The following PCP2 variants were observed in gnomAD, a reference collection of about 807,000 sequenced individuals.
The protein encoded by PCP2 is Purkinje cell protein 2, also known as Purkinje cell protein 2 homolog.
PCP2 carries 21 observed loss-of-function variants against 18.3 expected under a neutral mutation model. The observed-to-expected ratio is 1.14, with a 90% CI of 0.81 to 1.65. PCP2 has a LOEUF of 1.65. Ranked by LOEUF, PCP2 falls within the 40% of genes most tolerant of loss-of-function variation. PCP2 has a pLI of 0.00. For missense variants in PCP2, 202 were observed against 201.8 expected, an observed-to-expected ratio of 1.00 and a Z score of 0.00; for synonymous variants, 85 against 77.6, an observed-to-expected ratio of 1.10 and a Z score of -0.50.
chr19:7,632,769 A>C lies in PCP2; in HGVS notation c.113T>G (p.Met38Arg). Residue 38 changes from methionine (M) to arginine (R), a missense_variant, in exon 2 of 4, where the codon ATG becomes AGG. Coordinates refer to ENST00000311069, the MANE Select transcript of PCP2 (RefSeq NM_174895.3). The surrounding 1 kb of genome is among the most constrained non-coding windows in gnomAD (Gnocchi z 5.2). Reference protein sequence around the residue: ...NLLSHVQGDRMEGQRCSLQAG... With the variant: ...NLLSHVQGDRREGQRCSLQAG... ...TTGCAGTGAACAGCGCTGTCCCTCC[A>C]TCCGGTCGCCCTGCACGTGGCTCAG... The C allele has an allele frequency of 6.4e-7, 1 of 1,567,804 alleles. No individual in the cohort carries two copies. The highest frequency in any genetic ancestry group is 1.2e-5 in the South Asian group (1 of 85,958).
At position 7,632,736 on chromosome 19, in the gene PCP2, G is replaced by C; in HGVS notation, c.146C>G (p.Pro49Arg). 6.4e-7 allele frequency: 1 copy of C among 1,561,490 alleles called. No individual in the cohort carries two copies. Among genetic ancestry groups the C allele is most frequent in the Non-Finnish European group, 8.6e-7 (1 of 1,158,736 alleles). The change falls in exon 2 of 4, where the codon CCG (proline) becomes CGG (arginine). Residue 49 changes from proline to arginine, a missense_variant. Physicochemically the swap from Pro to Arg is moderately radical, Grantham distance 103. Coordinates refer to ENST00000311069, the MANE Select transcript of PCP2 (RefSeq NM_174895.3). This position sits in a 1 kb window ranked among gnomAD's most constrained non-coding sequence, Gnocchi z 5.2. ...EGQRCSLQAG[P>R]GQTTKSQSDP... is the part of the protein sequence containing the mutation. ...CTCACGGCTCTTGGTGGTCTGGCCC[G>C]GCCCGGCTTGCAGTGAACAGCGCTG...
chr19:7,631,998 G>T, intron 3 of PCP2, 190 bp from the exon 4 acceptor site: 1 of 525,632 alleles, frequency 1.9e-6, no homozygotes, highest in Non-Finnish European at 3.1e-6. Context: ...TGGGGCCCTC[G>T]CTGGGATCTT....
chr19:7,632,734 C>A lies in PCP2; in HGVS notation c.148G>T (p.Gly50Cys), dbSNP rs868539711. The A allele has an allele frequency of 2.6e-6, 4 of 1,561,400 alleles. No homozygotes were observed. In the South Asian group the frequency reaches 3.5e-5, roughly 14 times the overall value. Residue 50 changes from glycine (G) to cysteine (C), a missense_variant, in exon 2 of 4, where the codon GGC (glycine) becomes TGC (cysteine). Coordinates refer to ENST00000311069, the MANE Select transcript of PCP2 (RefSeq NM_174895.3). The surrounding 1 kb of genome is among the most constrained non-coding windows in gnomAD (Gnocchi z 5.2). ...TGCTCACGGCTCTTGGTGGTCTGGC[C>A]CGGCCCGGCTTGCAGTGAACAGCGC... is the stretch of plus-strand genomic sequence containing the variant. ...GQRCSLQAGP[G>C]QTTKSQSDPT...
Position 7,632,654 on chromosome 19 carries a change from A to G in PCP2, c.166+62T>C. On this transcript the variant is annotated intron_variant, in intron 2 of 3. Coordinates refer to ENST00000311069, the MANE Select transcript of PCP2 (RefSeq NM_174895.3). This position sits in a 1 kb window ranked among gnomAD's most constrained non-coding sequence, Gnocchi z 5.2. ...GTGCCCCCAGGCCCTCCAGATGACC[A>G]CTTGCCCTGCACTCCCACCCCGTTC... 6.4e-7 allele frequency: 1 copy of G among 1,557,604 alleles called. No individual in the cohort carries two copies. Among genetic ancestry groups the G allele is most frequent in the Non-Finnish European group, 8.7e-7 (1 of 1,155,354 alleles).
Position 7,632,999 on chromosome 19 carries a change from TGA to T in PCP2, c.52-171_52-170del, listed in dbSNP as rs34406374. ...CTGCAGAGCTGTTCTGAATGAGACA[TGA>T]GTCTCCTTCCCAATCCCGGCCCCCG... On this transcript the variant is annotated intron_variant, in intron 1 of 3. Transcript: ENST00000311069. This position sits in a 1 kb window ranked among gnomAD's most constrained non-coding sequence, Gnocchi z 5.2. 0.31 allele frequency: 451,176 copies of T among 1,435,264 alleles called. 72,827 individuals carry two copies. The highest frequency in any genetic ancestry group is 0.33 in the Non-Finnish European group (363,825 of 1,097,498). The allele number at this position is 1,435,264 out of a possible 1,614,324, so 88.9% of individuals were successfully genotyped here.
intron 1 of PCP2, 90 bp downstream of exon 1, chr19:7,633,317 T>G (rs2146197640): frequency 7.7e-7 from 1 of 1,304,276 alleles, no homozygotes; most frequent in East Asian, 2.5e-5. Flanking sequence ...GGAGACTCAC[T>G]CGTTAATTAG....
chr19:7,631,850 C>T, intron 3 of PCP2, 42 bp from the exon 4 acceptor site: 1 of 1,375,414 alleles, frequency 7.3e-7, no homozygotes, highest in Non-Finnish European at 9.4e-7. Flanking sequence ...GGCTCAAGGG[C>T]AGTGCCGGCC....
chr19:7,634,522 A>G (rs1228163041), upstream of PCP2, among the ~76,000 whole-genome samples: 5 of 152,216 alleles, frequency 3.3e-5, no homozygotes, highest in African/African-American at 1.2e-4. Flanking sequence ...CTTAAAACAC[A>G]TAAGTTGACT....
chr19:7,633,596 C>A lies in PCP2; in HGVS notation c.-139G>T. 2 of 752,062 alleles carry A rather than the reference C, an allele frequency of 2.7e-6. No individual in the cohort carries two copies. Among genetic ancestry groups the A allele is most frequent in the South Asian group, 1.8e-5 (1 of 57,000 alleles). 46.6% of individuals were successfully genotyped at this position (752,062 alleles called of 1,614,324 possible). ...AGCTCATGCCCCATCTGCTCCCACC[C>A]AAGCTTAAGCCCCATAAAGATCATC... On this transcript the variant is annotated 5_prime_UTR_variant, in exon 1 of 4. Transcript: ENST00000311069.
In PCP2 at chr19:7,632,894, A is replaced by G. The variant is rs2031387164; in HGVS notation, c.52-64T>C. ...TTGGGGGCCCCTCCCCAAACTTCCT[A>G]GCCAGCTTGCTCACACCCTGACCCC... On this transcript the variant is annotated intron_variant, in intron 1 of 3. Transcript: ENST00000311069. This position sits in a 1 kb window ranked among gnomAD's most constrained non-coding sequence, Gnocchi z 5.2. The G allele has an allele frequency of 1.3e-6, 2 of 1,526,576 alleles. No individual in the cohort carries two copies. The highest frequency in any genetic ancestry group is 8.8e-7 in the Non-Finnish European group (1 of 1,139,760). The allele number at this position is 1,526,576 out of a possible 1,614,324, so 94.6% of individuals were successfully genotyped here.
Position 7,631,765 on chromosome 19 carries a change from A to C in PCP2, c.335T>G (p.Leu112Arg). Residue 112 changes from leucine to arginine, a missense_variant, in exon 4 of 4, where the codon CTG (leucine) becomes CGG (arginine). Transcript: ENST00000311069. ...AGCGGTCGGGTCCTGAGGGGTGAGC[A>C]GGGGTTGGGGACTGAGGGTCCCAGC... ...KRAGTLSPQP[L>R]LTPQDPTALG... 7.0e-7 allele frequency: 1 copy of C among 1,425,480 alleles called. No individual in the cohort carries two copies. Among genetic ancestry groups the C allele is most frequent in the East Asian group, 2.6e-5 (1 of 38,048 alleles). The allele number at this position is 1,425,480 out of a possible 1,614,324, so 88.3% of individuals were successfully genotyped here. A position where few individuals can be genotyped will look rare whatever the true frequency, so the allele number is the denominator to read the frequency against.
chr19:7,633,117 C>CACACTCATCAGGCCCCAA, intron 1 of PCP2: 1 of 998,642 alleles, frequency 1.0e-6, no homozygotes, highest in Non-Finnish European at 1.4e-6. Context: ...AGATTGGGGC[C>CACACTCATCAGGCCCCAA]TGATGAGTGT....
chr19:7,632,485 T>C lies in PCP2; in HGVS notation c.199A>G (p.Met67Val). ...CCCTGGGTACTGGCCAGCATGTCCA[T>C]GAGGCTGTCCATCTCGGGGGTGGGG... ...SDPTPEMDSL[M>V]DMLASTQGRR... The change falls in exon 3 of 4, where the codon ATG (methionine) becomes GTG (valine). Residue 67 changes from methionine to valine, a missense_variant. By Grantham distance (21) the Met-to-Val change is conservative. Coordinates refer to ENST00000311069, the MANE Select transcript of PCP2 (RefSeq NM_174895.3). The surrounding 1 kb of genome is among the most constrained non-coding windows in gnomAD (Gnocchi z 5.2). 6.2e-7 allele frequency: 1 copy of C among 1,613,754 alleles called. No homozygotes were observed. Among genetic ancestry groups the C allele is most frequent in the Non-Finnish European group, 8.5e-7 (1 of 1,179,928 alleles).
At position 7,632,390 on chromosome 19, in the gene PCP2, T is replaced by C. The variant is rs750058181; in HGVS notation, c.291+3A>G. On this transcript the variant is annotated splice_donor_region_variant and intron_variant, in intron 3 of 3. Coordinates refer to ENST00000311069, the MANE Select transcript of PCP2 (RefSeq NM_174895.3). This position sits in a 1 kb window ranked among gnomAD's most constrained non-coding sequence, Gnocchi z 5.2. ...TCCTCGACATCGCCAGAACATCACCTACCTTGGACCCCACGGGCTGGAAGC... is the reference window on the plus strand; with the variant it reads ...TCCTCGACATCGCCAGAACATCACCCACCTTGGACCCCACGGGCTGGAAGC... 1.5e-5 allele frequency: 25 copies of C among 1,613,666 alleles called. No individual in the cohort carries two copies. The highest frequency in any genetic ancestry group is 2.1e-5 in the Non-Finnish European group (25 of 1,179,914).
At position 7,632,565 on chromosome 19, in the gene PCP2, C is replaced by T; in HGVS notation, c.167-48G>A. On this transcript the variant is annotated intron_variant, in intron 2 of 3. Coordinates refer to ENST00000311069, the MANE Select transcript of PCP2 (RefSeq NM_174895.3). The surrounding 1 kb of genome is among the most constrained non-coding windows in gnomAD (Gnocchi z 5.2). Reference sequence around the variant, plus strand: ...GGGAGGACACAGCCGGAGTGGGGGCCCCCAACCCTACCCCTTCACCCCCAC... The same window carrying T: ...GGGAGGACACAGCCGGAGTGGGGGCTCCCAACCCTACCCCTTCACCCCCAC... The T allele has an allele frequency of 6.2e-7, 1 of 1,605,314 alleles. No individual in the cohort carries two copies. The highest frequency in any genetic ancestry group is 8.5e-7 in the Non-Finnish European group (1 of 1,176,538).
upstream of PCP2, among the ~76,000 whole-genome samples, chr19:7,635,008 C>G (rs1811291457): frequency 6.6e-6 from 1 of 152,372 alleles, no homozygotes; most frequent in Admixed American, 6.5e-5. Context: ...CTACTCTACT[C>G]CAGTGTGACC....
In PCP2 at chr19:7,632,662, T is replaced by C; in HGVS notation, c.166+54A>G. 1.8e-5 allele frequency: 28 copies of C among 1,554,562 alleles called. No homozygotes were observed. Among genetic ancestry groups the C allele is most frequent in the Non-Finnish European group, 2.4e-5 (28 of 1,154,094 alleles). On this transcript the variant is annotated intron_variant, in intron 2 of 3. Transcript: ENST00000311069. This position sits in a 1 kb window ranked among gnomAD's most constrained non-coding sequence, Gnocchi z 5.2. Reference sequence around the variant, plus strand: ...AGGCCCTCCAGATGACCACTTGCCCTGCACTCCCACCCCGTTCACGCCCCA... The same window carrying C: ...AGGCCCTCCAGATGACCACTTGCCCCGCACTCCCACCCCGTTCACGCCCCA...
At chr19:7,636,740 A>T (rs1441928216), upstream of PCP2, 1 of 186,330 alleles carries the variant, frequency 5.4e-6, no homozygotes, top group Non-Finnish European at 1.1e-5. Context: ...GAAGTACAGA[A>T]GGCAAGTGGG....
At chr19:7,634,231 C>A (rs3745363), upstream of PCP2, among the ~76,000 whole-genome samples, 44,309 of 152,112 alleles carry the variant, frequency 0.29, 7,127 homozygotes, top group Non-Finnish European at 0.37. Flanking sequence ...CCTGCCTTTT[C>A]CCCCGAGCCA....
Sources: gnomAD v4.1 joint callset for allele counts (sites outside exome capture counted in the v4.1 genomes callset) on GRCh38, gnomAD v4.1.1 for gene constraint, Gnocchi (gnomAD v3.1) non-coding constraint, MANE v1.5 for transcripts, NCBI Gene and HGNC (gene_info 2026-07-23, HGNC 2026-07-21) for gene names.